Variants in SLC25A17 observed in about 807,000 individuals in gnomAD.
SLC25A17 encodes the protein peroxisomal membrane protein PMP34.
In SLC25A17, 26 loss-of-function variants were observed where a neutral mutation model predicts 38.5. The observed-to-expected ratio is 0.68, with a 90% CI of 0.50 to 0.94. The LOEUF (loss-of-function observed/expected upper bound fraction) is 0.94, where lower values mean the gene tolerates loss of function less well. Ranked by LOEUF, SLC25A17 falls within the 40% of genes least tolerant of loss-of-function variation. The probability of loss-of-function intolerance (pLI) is 0.00; values close to 1 mark genes in which losing one functional copy is unlikely to be tolerated. For synonymous variants in SLC25A17, 139 were observed against 136.2 expected, an observed-to-expected ratio of 1.02 and a Z score of -0.14; for missense variants, 333 against 372.7, an observed-to-expected ratio of 0.89 and a Z score of 0.88.
chr22:40,813,368 T>A (rs957016382), intron 1 of SLC25A17, among the ~76,000 whole-genome samples: 14 of 151,950 alleles, frequency 9.2e-5, no homozygotes, highest in African/African-American at 3.4e-4. Flanking sequence ...TGAGACCTCA[T>A]CTCTACTAAA....
At chr22:40,801,774 G>T (rs1276464823) in intron 1 of SLC25A17, among the ~76,000 whole-genome samples, 1 of 152,058 alleles carries the variant, frequency 6.6e-6, no homozygotes, top group African/African-American at 2.4e-5. Context: ...ATTTTCTATC[G>T]CATGGTACTG....
At chr22:40,788,371 G>A (rs2057356300) in intron 4 of SLC25A17, among the ~76,000 whole-genome samples, 1 of 152,068 alleles carries the variant, frequency 6.6e-6, no homozygotes, top group African/African-American at 2.4e-5. Flanking sequence ...TTTGATTTTT[G>A]AAATATAACC....
chr22:40,786,155 C>A (rs2057336043), intron 4 of SLC25A17, among the ~76,000 whole-genome samples: 1 of 151,936 alleles, frequency 6.6e-6, no homozygotes, highest in African/African-American at 2.4e-5. Context: ...TAGGAAAATA[C>A]AAAAAATTAG....
chr22:40,787,396 G>C, intron 4 of SLC25A17, among the ~76,000 whole-genome samples: 1 of 152,208 alleles, frequency 6.6e-6, no homozygotes, highest in East Asian at 1.9e-4. Flanking sequence ...CTCTTGGTAA[G>C]CGTAAAACTC....
intron 4 of SLC25A17, chr22:40,784,486 T>C (rs1556147709): frequency 1.2e-5 from 2 of 167,134 alleles, no homozygotes; most frequent in Non-Finnish European, 2.6e-5. Flanking sequence ...TTAAAATAAA[T>C]ATTCAGCTGG....
intron 1 of SLC25A17, among the ~76,000 whole-genome samples, chr22:40,810,499 C>A (rs1263643126): frequency 6.6e-6 from 1 of 152,036 alleles, no homozygotes; most frequent in Non-Finnish European, 1.5e-5. Context: ...AGGCATGCGC[C>A]ACTACGCCCG....
intron 1 of SLC25A17, among the ~76,000 whole-genome samples, chr22:40,817,540 T>C (rs2145718704): frequency 6.6e-6 from 1 of 152,270 alleles, no homozygotes; most frequent in South Asian, 2.1e-4. Context: ...GCCTCTGCCA[T>C]CCCAGTAAAT....
At position 40,779,041 on chromosome 22, in the gene SLC25A17, T is replaced by C. The variant is rs1228490731; in HGVS notation, c.419A>G (p.Asp140Gly). ...KLQGAKFRNE[D>G]IVPTNYKGII... ...ACCTTTGTAGTTTGTTGGTACAATG[T>C]CTTCATTCCTAAATTTTGCTCCTTG... The change falls in exon 5 of 9, where the codon GAC (aspartate) becomes GGC (glycine). Residue 140 changes from aspartate to glycine, a missense_variant. By Grantham distance (94) the Asp-to-Gly change is moderately conservative. Coordinates refer to ENST00000435456, the MANE Select transcript of SLC25A17 (RefSeq NM_006358.4). 6.2e-7 allele frequency: 1 copy of C among 1,614,138 alleles called. No homozygotes were observed. The highest frequency in any genetic ancestry group is 1.7e-5 in the Admixed American group (1 of 60,024).
intron 5 of SLC25A17, among the ~76,000 whole-genome samples, chr22:40,778,054 A>G (rs562014125): frequency 6.6e-6 from 1 of 152,200 alleles, no homozygotes; most frequent in Non-Finnish European, 1.5e-5. Context: ...AGAATTTATT[A>G]TACAGGATTT....
At chr22:40,790,242 G>C (rs755245915) in intron 4 of SLC25A17, among the ~76,000 whole-genome samples, 4 of 150,188 alleles carry the variant, frequency 2.7e-5, no homozygotes, top group Non-Finnish European at 5.9e-5. Flanking sequence ...TCAGGTGGCT[G>C]AGGTAGGAAA....
At chr22:40,775,948 G>C (rs1336338961) in intron 7 of SLC25A17, among the ~76,000 whole-genome samples, 2 of 152,098 alleles carry the variant, frequency 1.3e-5, no homozygotes, top group African/African-American at 4.8e-5. Context: ...CAGTCCTTTA[G>C]AGCAGCATGA....
At chr22:40,783,372 A>G (rs900432908) in intron 4 of SLC25A17, among the ~76,000 whole-genome samples, 2 of 152,246 alleles carry the variant, frequency 1.3e-5, no homozygotes, top group African/African-American at 4.8e-5. Context: ...AATCAGCCTC[A>G]GTGGAGAACC....
intron 1 of SLC25A17, among the ~76,000 whole-genome samples, chr22:40,818,428 G>GA (rs1285516942): frequency 6.6e-6 from 1 of 151,756 alleles, no homozygotes. Context: ...TAGAAAGAAA[G>GA]AAAAAAAAGC....
chr22:40,797,418 A>G (rs1422335461), intron 2 of SLC25A17: 11 of 596,546 alleles, frequency 1.8e-5, no homozygotes, highest in Non-Finnish European at 2.9e-5. Context: ...ACATGCCTAC[A>G]TTAGCAATGG....
intron 1 of SLC25A17, among the ~76,000 whole-genome samples, chr22:40,800,806 A>T (rs6002149): frequency 0.013 from 1,918 of 150,174 alleles, 19 homozygotes; most frequent in South Asian, 0.035. Context: ...AAAAAAAAAA[A>T]TTTTGAATAA....
At position 40,779,220 on chromosome 22, in the gene SLC25A17, C is replaced by T. The variant is rs2057274657; in HGVS notation, c.335-95G>A. On this transcript the variant is annotated intron_variant, in intron 4 of 8. Transcript: ENST00000435456. ...CTACATACCAATATTCCATTTATAT[C>T]TCTGTCACTGACCTCTTAGGAGACC... 3 of 1,591,184 alleles carry T rather than the reference C, an allele frequency of 1.9e-6. No homozygotes were observed. The South Asian group carries it at 3.4e-5, about 18-fold the overall frequency.
At chr22:40,802,812 A>G (rs2057494724) in intron 1 of SLC25A17, among the ~76,000 whole-genome samples, 1 of 152,232 alleles carries the variant, frequency 6.6e-6, no homozygotes, top group African/African-American at 2.4e-5. Flanking sequence ...CTATATAGAA[A>G]AACAAAAAGG....
At chr22:40,774,540 A>G (rs2057221738) in intron 7 of SLC25A17, among the ~76,000 whole-genome samples, 1 of 152,214 alleles carries the variant, frequency 6.6e-6, no homozygotes, top group African/African-American at 2.4e-5. Context: ...AAATTTTTCA[A>G]TGAAGCAAGC....
intron 1 of SLC25A17, among the ~76,000 whole-genome samples, chr22:40,806,351 G>T (rs1284540146): frequency 2.0e-5 from 3 of 152,140 alleles, no homozygotes; most frequent in African/African-American, 7.2e-5. Flanking sequence ...TGAAATGTAG[G>T]CTTCCATTTC....
Sources: gnomAD v4.1 joint callset for allele counts (sites outside exome capture counted in the v4.1 genomes callset) on GRCh38, gnomAD v4.1.1 for gene constraint, MANE v1.5 for transcripts, NCBI Gene and HGNC (gene_info 2026-07-23, HGNC 2026-07-21) for gene names.